The following SNRK variants were observed in gnomAD, a reference collection of about 807,000 sequenced individuals.
SNRK encodes SNF-related serine/threonine-protein kinase.
A neutral mutation model predicts 48.2 loss-of-function variants in SNRK; 3 were observed. The ratio of observed to expected loss-of-function variants is 0.06; its 90% CI spans 0.03 to 0.16. SNRK has a LOEUF of 0.16. Among genes scored for constraint, SNRK ranks in the 10% least tolerant of loss-of-function variants. The pLI, the probability that SNRK is intolerant of heterozygous loss-of-function variation, is 1.00. For synonymous variants in SNRK, 376 were observed against 366.1 expected (o/e 1.03, Z -0.31); for missense variants, 627 against 976.0 (o/e 0.64, Z 4.76).
At position 43,303,893 on chromosome 3, in the gene SNRK, A is replaced by G. The variant is rs1468107267; in HGVS notation, c.589+101A>G. On this transcript the variant is annotated intron_variant, in intron 3 of 6. Coordinates refer to ENST00000296088, the MANE Select transcript of SNRK (RefSeq NM_017719.5). The surrounding 1 kb of genome is among the most constrained non-coding windows in gnomAD (Gnocchi z 6.2). ...AAATGATTTCTAGAGAATTTCTGTT[A>G]AATTGGCCTTAACTAGCAAATTGGG... is the stretch of plus-strand genomic sequence containing the variant. 7.7e-6 allele frequency: 7 copies of G among 907,002 alleles called. No homozygotes were observed. The highest frequency in any genetic ancestry group is 1.0e-5 in the Non-Finnish European group (6 of 593,772). The allele number at this position is 907,002 out of a possible 1,614,324, so 56.2% of individuals were successfully genotyped here.
At chr3:43,292,553 C>T (rs944439570) in intron 1 of SNRK, among the ~76,000 whole-genome samples, 2 of 152,214 alleles carry the variant, frequency 1.3e-5, no homozygotes, top group African/African-American at 2.4e-5. Context: ...TCAGAATCAG[C>T]TGTAGGTATT....
chr3:43,319,596 A>C (rs1214384062), intron 3 of SNRK, among the ~76,000 whole-genome samples: 1 of 152,194 alleles, frequency 6.6e-6, no homozygotes, highest in Non-Finnish European at 1.5e-5. Context: ...CTCACTCCAG[A>C]TGGCTCACTT....
chr3:43,299,085 C>T (rs2090879017), intron 1 of SNRK, among the ~76,000 whole-genome samples: 1 of 152,172 alleles, frequency 6.6e-6, no homozygotes, highest in African/African-American at 2.4e-5. Flanking sequence ...CTCATTGTAC[C>T]TACTATGCAG....
At chr3:43,343,292 T>TA (rs913425199) in intron 5 of SNRK, 52 bp from the exon 6 acceptor site, 102 of 1,526,900 alleles carry the variant, frequency 6.7e-5, no homozygotes, top group Middle Eastern at 5.2e-4. Context: ...CTGCTTCTTG[T>TA]AAAAAAACCT....
At chr3:43,325,946 A>G (rs1042853424) in intron 3 of SNRK, among the ~76,000 whole-genome samples, 5 of 151,986 alleles carry the variant, frequency 3.3e-5, no homozygotes, top group African/African-American at 4.8e-5. Flanking sequence ...CCCAAGTATG[A>G]TGTTTTCGCC....
chr3:43,342,599 G>A (rs938254315), intron 5 of SNRK, among the ~76,000 whole-genome samples: 2 of 152,148 alleles, frequency 1.3e-5, no homozygotes, highest in Admixed American at 6.5e-5. Flanking sequence ...TTCTGAAAAC[G>A]TAGTTACGTA....
chr3:43,323,335 A>G (rs115316902), intron 3 of SNRK, among the ~76,000 whole-genome samples: 4,666 of 152,342 alleles, frequency 0.031, 162 homozygotes, highest in African/African-American at 0.089. Context: ...ATAATTCACC[A>G]GAAAAGACAT....
At chr3:43,331,858 T>C (rs2091148929) in intron 3 of SNRK, among the ~76,000 whole-genome samples, 1 of 152,170 alleles carries the variant, frequency 6.6e-6, no homozygotes, top group Non-Finnish European at 1.5e-5. Flanking sequence ...AAAATAGCAG[T>C]GTGTTGTCTG....
chr3:43,310,693 T>C (rs990427390), intron 3 of SNRK, among the ~76,000 whole-genome samples: 2 of 152,230 alleles, frequency 1.3e-5, no homozygotes, highest in South Asian at 4.1e-4. Flanking sequence ...CTCCCAACTT[T>C]GAAGATACGT....
At chr3:43,298,640 C>T (rs562311461) in intron 1 of SNRK, among the ~76,000 whole-genome samples, 14 of 152,306 alleles carry the variant, frequency 9.2e-5, no homozygotes, top group African/African-American at 3.4e-4. Context: ...ACCTGGACAC[C>T]TCTCACCATT....
At chr3:43,319,077 A>G (rs1185993760) in intron 3 of SNRK, among the ~76,000 whole-genome samples, 3 of 151,580 alleles carry the variant, frequency 2.0e-5, no homozygotes, top group Non-Finnish European at 4.4e-5. Flanking sequence ...GCAGGCTGCT[A>G]TGCTTGATCA....
chr3:43,324,647 G>A (rs763554327), intron 3 of SNRK, among the ~76,000 whole-genome samples: 3 of 152,034 alleles, frequency 2.0e-5, no homozygotes, highest in Admixed American at 6.5e-5. Flanking sequence ...CTTTTAATAC[G>A]AAGGAAAATC....
At position 43,350,900 on chromosome 3, in the gene SNRK, TC is replaced by T. The variant is rs1260909333; in HGVS notation, c.*2344del. ...TAATTATGTACTTCTGGCAATTCTA[TC>T]TGTATTTAAAGATGTGACAATCTTG... On this transcript the variant is annotated 3_prime_UTR_variant, in exon 7 of 7. Coordinates refer to ENST00000296088, the MANE Select transcript of SNRK (RefSeq NM_017719.5). 7 of 152,750 alleles carry T rather than the reference TC, an allele frequency of 4.6e-5. No homozygotes were observed. Among genetic ancestry groups the T allele is most frequent in the African/African-American group, 1.7e-4 (7 of 41,572 alleles). The allele number at this position is 152,750 out of a possible 1,614,324, so 9.5% of individuals were successfully genotyped here. A position where few individuals can be genotyped will look rare whatever the true frequency, so the allele number is the denominator to read the frequency against.
At chr3:43,331,036 AT>A (rs2091142393) in intron 3 of SNRK, among the ~76,000 whole-genome samples, 1 of 152,246 alleles carries the variant, frequency 6.6e-6, no homozygotes, top group African/African-American at 2.4e-5. Flanking sequence ...ATCTTGGGAA[AT>A]AACATGGAAC....
chr3:43,334,484 C>CT (rs2091171506), intron 4 of SNRK, among the ~76,000 whole-genome samples: 1 of 151,654 alleles, frequency 6.6e-6, no homozygotes, highest in East Asian at 1.9e-4. Flanking sequence ...ATTATTGGGA[C>CT]TATTTAGGTT....
Position 43,303,648 on chromosome 3 carries a change from G to GA in SNRK, c.450dup (p.Gln151ThrfsTer39). The GA allele has an allele frequency of 6.2e-7, 1 of 1,614,080 alleles. No homozygotes were observed. The highest frequency in any genetic ancestry group is 8.5e-7 in the Non-Finnish European group (1 of 1,180,002). ...AAAACCAGAGAATGTAGTCTTCTTT[G>GA]AAAAACAAGGTCTTGTAAAGTTGAC... On this transcript the variant is annotated frameshift_variant, in exon 3 of 7. Coordinates refer to ENST00000296088, the MANE Select transcript of SNRK (RefSeq NM_017719.5). LOFTEE classifies it high-confidence loss of function. This position sits in a 1 kb window ranked among gnomAD's most constrained non-coding sequence, Gnocchi z 6.2.
At chr3:43,309,394 A>G (rs1465845728) in intron 3 of SNRK, among the ~76,000 whole-genome samples, 1 of 152,150 alleles carries the variant, frequency 6.6e-6, no homozygotes, top group Non-Finnish European at 1.5e-5. Context: ...AAATATGTCA[A>G]ACAGTGTTGC....
chr3:43,325,986 T>C (rs575788443), intron 3 of SNRK, among the ~76,000 whole-genome samples: 15 of 152,124 alleles, frequency 9.9e-5, no homozygotes, highest in Non-Finnish European at 1.6e-4. Flanking sequence ...ATTTGTACTT[T>C]TCCTGAGTGG....
intron 1 of SNRK, among the ~76,000 whole-genome samples, chr3:43,288,359 G>C (rs1264326620): frequency 6.6e-6 from 1 of 151,962 alleles, no homozygotes; most frequent in Non-Finnish European, 1.5e-5. Flanking sequence ...AGATCCATTA[G>C]TCTAAAACAT....
Sources: allele counts gnomAD v4.1 joint callset (sites outside exome capture counted in the v4.1 genomes callset), GRCh38; gene constraint gnomAD v4.1.1; non-coding constraint Gnocchi (gnomAD v3.1); transcripts MANE v1.5; gene names NCBI Gene and HGNC (gene_info 2026-07-23, HGNC 2026-07-21).